ZHX3: variants seen among roughly 807,000 people sequenced by gnomAD.
ZHX3 encodes the protein zinc fingers and homeoboxes 3, also known as zinc fingers and homeoboxes protein 3.
ZHX3 carries 20 observed loss-of-function variants against 64.5 expected under a neutral mutation model. The ratio of observed to expected loss-of-function variants is 0.31; its 90% CI spans 0.22 to 0.45. The LOEUF is 0.45. ZHX3 is among the 20% of genes least tolerant of loss of function. The probability of loss-of-function intolerance (pLI) is 1.00; values close to 1 mark genes in which losing one functional copy is unlikely to be tolerated. For synonymous variants in ZHX3, 423 were observed against 461.6 expected, an observed-to-expected ratio of 0.92 and a Z score of 1.07; for missense variants, 1,041 against 1,195.8, an observed-to-expected ratio of 0.87 and a Z score of 1.91.
At chr20:41,297,318 C>T (rs184949310) in intron 1 of ZHX3, among the ~76,000 whole-genome samples, 1 of 152,246 alleles carries the variant, frequency 6.6e-6, no homozygotes, top group East Asian at 1.9e-4. Flanking sequence ...CTCCTCAGAC[C>T]CCAGAGGAAT....
chr20:41,185,139 G>A lies in ZHX3; in HGVS notation c.*52C>T, dbSNP rs541800899. ...AGAGAGTCGGGTTTGGCTCTTCCAC[G>A]TGGCAGGCGGTTTCCCAGACTGGCC... On this transcript the variant is annotated 3_prime_UTR_variant, in exon 4 of 4. Coordinates refer to ENST00000683867, the MANE Select transcript of ZHX3 (RefSeq NM_001384317.1). This position sits in a 1 kb window ranked among gnomAD's most constrained non-coding sequence, Gnocchi z 5.0. 17 of 1,595,990 alleles carry A rather than the reference G, an allele frequency of 1.1e-5. No individual in the cohort carries two copies. Among genetic ancestry groups the A allele is most frequent in the Admixed American group, 5.2e-5 (3 of 57,630 alleles).
At chr20:41,303,518 C>A (rs1486104640) in intron 1 of ZHX3, among the ~76,000 whole-genome samples, 1 of 152,226 alleles carries the variant, frequency 6.6e-6, no homozygotes, top group African/African-American at 2.4e-5. Flanking sequence ...CAATGCTCCA[C>A]TTTACACAAA....
chr20:41,232,007 C>T lies in ZHX3; in HGVS notation c.-150-26941G>A, dbSNP rs566890417. Among the ~76,000 whole-genome samples, 17 of 152,170 alleles carry T rather than the reference C, an allele frequency of 1.1e-4. No homozygotes were observed. The highest frequency in any genetic ancestry group is 2.0e-4 in the Admixed American group (3 of 15,290). Reference sequence around the variant, plus strand: ...CTAGATGGTTAAAACAACCACATTCCGTACCATTAGACGCTGACAGCCCAG... The same window carrying T: ...CTAGATGGTTAAAACAACCACATTCTGTACCATTAGACGCTGACAGCCCAG... On this transcript the variant is annotated intron_variant, in intron 2 of 3. Coordinates refer to ENST00000683867, the MANE Select transcript of ZHX3 (RefSeq NM_001384317.1). This position sits in a 1 kb window ranked among gnomAD's most constrained non-coding sequence, Gnocchi z 5.0.
At position 41,232,675 on chromosome 20, in the gene ZHX3, C is replaced by T. The variant is rs1335450638; in HGVS notation, c.-150-27609G>A. Among the ~76,000 whole-genome samples the T allele has an allele frequency of 3.3e-5, 5 of 152,078 alleles. No individual in the cohort carries two copies. Among genetic ancestry groups the T allele is most frequent in the African/African-American group, 1.2e-4 (5 of 41,392 alleles). Reference sequence around the variant, plus strand: ...CGCAATCTCGGCTCATTGCAAGCTCCGCCTCCCGGGTTCACGCCATTCTCC... The same window carrying T: ...CGCAATCTCGGCTCATTGCAAGCTCTGCCTCCCGGGTTCACGCCATTCTCC... On this transcript the variant is annotated intron_variant, in intron 2 of 3. Transcript: ENST00000683867. This position sits in a 1 kb window ranked among gnomAD's most constrained non-coding sequence, Gnocchi z 5.0.
chr20:41,291,946 G>A (rs2044264335), intron 1 of ZHX3, among the ~76,000 whole-genome samples: 1 of 148,682 alleles, frequency 6.7e-6, no homozygotes, highest in Admixed American at 6.8e-5. Context: ...AGGAGGCTGA[G>A]GCTGGAGAAC....
intron 2 of ZHX3, among the ~76,000 whole-genome samples, chr20:41,241,561 G>T (rs1013310523): frequency 6.6e-6 from 1 of 152,064 alleles, no homozygotes; most frequent in African/African-American, 2.4e-5. Flanking sequence ...GCTTGTCCAG[G>T]TATTACTCAA....
chr20:41,292,550 C>T (rs1359344345), intron 1 of ZHX3, among the ~76,000 whole-genome samples: 4 of 152,206 alleles, frequency 2.6e-5, no homozygotes, highest in South Asian at 4.1e-4. Flanking sequence ...CAGGTGATCA[C>T]GAACTCTCTA....
chr20:41,211,287 A>G (rs1224947317), intron 2 of ZHX3, among the ~76,000 whole-genome samples: 3 of 152,188 alleles, frequency 2.0e-5, no homozygotes, highest in Non-Finnish European at 4.4e-5. Flanking sequence ...ACTAAAATCA[A>G]GTTATCAGTA....
At chr20:41,247,127 G>A (rs2041742028) in intron 2 of ZHX3, among the ~76,000 whole-genome samples, 1 of 152,082 alleles carries the variant, frequency 6.6e-6, no homozygotes, top group South Asian at 2.1e-4. Context: ...GGGCATTGTG[G>A]CGTGCGCCTC....
intron 2 of ZHX3, among the ~76,000 whole-genome samples, chr20:41,262,924 G>A (rs2042633848): frequency 6.6e-6 from 1 of 152,136 alleles, no homozygotes; most frequent in Non-Finnish European, 1.5e-5. Flanking sequence ...GCAAGTTCTT[G>A]CTTTTGCTTT....
intron 2 of ZHX3, among the ~76,000 whole-genome samples, chr20:41,264,693 T>A (rs76947031): frequency 0.071 from 10,819 of 152,170 alleles, 413 homozygotes; most frequent in Middle Eastern, 0.18. Flanking sequence ...CTAATTATTC[T>A]ACTAATCTGA....
chr20:41,312,950 A>G (rs1446256233), intron 1 of ZHX3, among the ~76,000 whole-genome samples: 3 of 152,162 alleles, frequency 2.0e-5, no homozygotes, highest in Admixed American at 6.5e-5. Context: ...CAACAGTGGA[A>G]GCTGGGAGAC....
intron 1 of ZHX3, among the ~76,000 whole-genome samples, chr20:41,278,791 G>C (rs1335385067): frequency 7.2e-6 from 1 of 138,734 alleles, no homozygotes; most frequent in Non-Finnish European, 1.6e-5. Context: ...TTTTTGTTTT[G>C]AGACGGAGTC....
At chr20:41,250,316 C>T (rs6016534) in intron 2 of ZHX3, among the ~76,000 whole-genome samples, 87,703 of 152,114 alleles carry the variant, frequency 0.58, 26,559 homozygotes, top group East Asian at 0.82. Context: ...ACACTGTGAC[C>T]GCCTGCTAAA....
intron 2 of ZHX3, among the ~76,000 whole-genome samples, chr20:41,246,196 T>C (rs2041677740): frequency 6.6e-6 from 1 of 152,234 alleles, no homozygotes; most frequent in Admixed American, 6.5e-5. Context: ...GAAGATGATT[T>C]TTGCTTAGTA....
rs1046384457 is a variant in ZHX3 at position 41,185,883 on chromosome 20, A to G, written c.2861-682T>C. On this transcript the variant is annotated intron_variant, in intron 3 of 3. Transcript: ENST00000683867. This position sits in a 1 kb window ranked among gnomAD's most constrained non-coding sequence, Gnocchi z 5.0. ...CCCCCTGCCATTCCTGCTCTGTCCC[A>G]CAAAGGACAGCAACATGTCACTTTG... The G allele has an allele frequency of 6.6e-6, 1 of 152,292 alleles. No individual in the cohort carries two copies. The highest frequency in any genetic ancestry group is 2.4e-5 in the African/African-American group (1 of 41,472). The allele number at this position is 152,292 out of a possible 1,614,324, so 9.4% of individuals were successfully genotyped here.
rs2038252463 is a variant in ZHX3, at chr20:41,201,919, A to G, written c.2860+138T>C. On this transcript the variant is annotated intron_variant, in intron 3 of 3. Transcript: ENST00000683867. The surrounding 1 kb of genome is among the most constrained non-coding windows in gnomAD (Gnocchi z 5.0). ...GCTTCTGCTGCTAGTTGTCCTCTGAAGCAGCCAGGCGGTTAATGCTGCTGC... is the reference window on the plus strand; with the variant it reads ...GCTTCTGCTGCTAGTTGTCCTCTGAGGCAGCCAGGCGGTTAATGCTGCTGC... The G allele has an allele frequency of 4.7e-6, 5 of 1,058,302 alleles. No homozygotes were observed. Among genetic ancestry groups the G allele is most frequent in the Non-Finnish European group, 6.6e-6 (5 of 761,002 alleles). The allele number at this position is 1,058,302 out of a possible 1,614,324, so 65.6% of individuals were successfully genotyped here.
chr20:41,180,020 G>T lies in ZHX3; in HGVS notation c.*5171C>A, dbSNP rs2235366. 39,083 of 152,596 alleles carry T rather than the reference G, an allele frequency of 0.26. 5,764 individuals carry two copies. Among genetic ancestry groups the T allele is most frequent in the East Asian group, 0.73 (3,764 of 5,168 alleles). The allele number at this position is 152,596 out of a possible 1,614,324, so 9.5% of individuals were successfully genotyped here. A position where few individuals can be genotyped will look rare whatever the true frequency, so the allele number is the denominator to read the frequency against. ...AAAAACTATTCATTAACACATACAG[G>T]TGCTCATGTGTGTGTGTGCACGCGC... On this transcript the variant is annotated 3_prime_UTR_variant, in exon 4 of 4. Coordinates refer to ENST00000683867, the MANE Select transcript of ZHX3 (RefSeq NM_001384317.1).
At chr20:41,214,117 C>T (rs144013427) in intron 2 of ZHX3, among the ~76,000 whole-genome samples, 3 of 152,212 alleles carry the variant, frequency 2.0e-5, no homozygotes, top group Admixed American at 2.0e-4. Context: ...CCTAAATTAT[C>T]ATTCGAATAA....
Sources: gnomAD v4.1 joint callset for allele counts (sites outside exome capture counted in the v4.1 genomes callset) on GRCh38, gnomAD v4.1.1 for gene constraint, Gnocchi (gnomAD v3.1) non-coding constraint, MANE v1.5 for transcripts, NCBI Gene and HGNC (gene_info 2026-07-23, HGNC 2026-07-21) for gene names.